SH2D3C: variants seen among roughly 807,000 people sequenced by gnomAD.
SH2D3C encodes the protein SH2 domain containing 3C, also known as SH2 domain-containing protein 3C.
Under a neutral mutation model 75.2 loss-of-function variants are expected in SH2D3C, and 25 were observed. The ratio of observed to expected loss-of-function variants is 0.33; its 90% CI spans 0.24 to 0.46. The LOEUF is 0.46. Ranked by LOEUF, SH2D3C falls within the 20% of genes least tolerant of loss-of-function variation. The probability of loss-of-function intolerance (pLI) is 1.00; values close to 1 mark genes in which losing one functional copy is unlikely to be tolerated. For missense variants in SH2D3C, 933 were observed against 1,165.3 expected (o/e 0.80, Z 2.90); for synonymous variants, 450 against 473.7 (o/e 0.95, Z 0.65).
intron 2 of SH2D3C, chr9:127,771,539 G>T (rs888280684): frequency 2.6e-6 from 1 of 389,812 alleles, no homozygotes. Flanking sequence ...CGCCCGCCCG[G>T]CTCCAACGCT....
chr9:127,740,364 A>G lies in SH2D3C; in HGVS notation c.2094T>C (p.Ser698=), dbSNP rs749556058. Residue 698 remains serine (S), a synonymous_variant, in exon 10 of 12, where the codon TCT becomes TCC. Coordinates refer to ENST00000314830, the MANE Select transcript of SH2D3C (RefSeq NM_170600.3). ...VMGALDMAQI[S]RLEQTWVTLR... is the part of the protein sequence containing the mutation. Reference sequence around the variant, plus strand: ...GGGTCACCCATGTCTGCTCCAGCCGAGAAATCTGGGGAGGCCAAACTGTGA... The same window carrying G: ...GGGTCACCCATGTCTGCTCCAGCCGGGAAATCTGGGGAGGCCAAACTGTGA... 3.7e-6 allele frequency: 6 copies of G among 1,613,842 alleles called. No homozygotes were observed. The highest frequency in any genetic ancestry group is 5.1e-6 in the Non-Finnish European group (6 of 1,179,930).
At chr9:127,748,338 G>A (rs1199786770) in intron 5 of SH2D3C, among the ~76,000 whole-genome samples, 2 of 152,152 alleles carry the variant, frequency 1.3e-5, no homozygotes, top group African/African-American at 4.8e-5. Context: ...GCAGCCCACA[G>A]GGTATCCATT....
rs773727966 is a variant in SH2D3C at position 127,741,901 on chromosome 9, C to T, written c.1975G>A (p.Glu659Lys). ...TTGTGCAGCAGCGCTGCCCGCTCCT[C>T]CGCAGAGCCGGTGCAGCCCAGGATG... ...VDILGCTGSAEERAALLHKTI... is the reference protein window; with the variant it reads ...VDILGCTGSAKERAALLHKTI... The change falls in exon 9 of 12, where the codon GAG becomes AAG. Residue 659 changes from glutamate (E) to lysine (K), a missense_variant. Coordinates refer to ENST00000314830, the MANE Select transcript of SH2D3C (RefSeq NM_170600.3). The T allele has an allele frequency of 3.1e-6, 5 of 1,612,984 alleles. No homozygotes were observed. Among genetic ancestry groups the T allele is most frequent in the African/African-American group, 1.3e-5 (1 of 74,950 alleles).
In SH2D3C at chr9:127,744,994, G is replaced by A. The variant is rs1175866720; in HGVS notation, c.1370C>T (p.Pro457Leu). The stretch of plus-strand genomic sequence containing the variant: ...CTTGTCTGACTCCCCATGGGTCTTT[G>A]GGGCACTTCCGGGACACAGCTGGGG... ...SEPQLCPGSA[P>L]KTHGESDKGP... The change falls in exon 7 of 12, where the codon CCA becomes CTA. Residue 457 changes from proline to leucine, a missense_variant. Coordinates refer to ENST00000314830, the MANE Select transcript of SH2D3C (RefSeq NM_170600.3). The A allele has an allele frequency of 6.6e-7, 1 of 1,526,318 alleles. No individual in the cohort carries two copies. Among genetic ancestry groups the A allele is most frequent in the Admixed American group, 2.1e-5 (1 of 46,894 alleles). 94.5% of individuals were successfully genotyped at this position (1,526,318 alleles called of 1,614,324 possible). A position where few individuals can be genotyped will look rare whatever the true frequency, so the allele number is the denominator to read the frequency against.
At chr9:127,770,820 T>C (rs1845718548) in intron 2 of SH2D3C, among the ~76,000 whole-genome samples, 1 of 152,162 alleles carries the variant, frequency 6.6e-6, no homozygotes, top group Admixed American at 6.5e-5. Context: ...ACCACCTTTC[T>C]CAGCGGCCCT....
chr9:127,755,958 A>G (rs950131428), intron 3 of SH2D3C, among the ~76,000 whole-genome samples: 5 of 152,338 alleles, frequency 3.3e-5, no homozygotes, highest in South Asian at 2.1e-4. Context: ...GGCATGAAGT[A>G]AGCGCTCAAT....
chr9:127,757,636 G>GATT (rs59274690), intron 3 of SH2D3C, among the ~76,000 whole-genome samples: 884 of 88,186 alleles, frequency 0.01, 9 homozygotes, highest in East Asian at 0.048. Context: ...TGATGATGAT[G>GATT]ATGATGATGA....
intron 10 of SH2D3C, 36 bp downstream of exon 10, chr9:127,740,222 C>T: frequency 1.9e-6 from 3 of 1,546,244 alleles, no homozygotes; most frequent in African/African-American, 2.7e-5. Context: ...CCAGGGAGGG[C>T]TGCAGCCTGT....
chr9:127,768,989 ACCAGCCACTCCCCACTTTCG>A (rs1269197482), intron 2 of SH2D3C, among the ~76,000 whole-genome samples: 1 of 152,114 alleles, frequency 6.6e-6, no homozygotes, highest in Admixed American at 6.5e-5. Flanking sequence ...AATTGGCACC[ACCAGCCACTCCCCACTTTCG>A]CCAACCAATT....
intron 3 of SH2D3C, among the ~76,000 whole-genome samples, chr9:127,756,058 G>A (rs1845371054): frequency 6.6e-6 from 1 of 152,178 alleles, no homozygotes. Flanking sequence ...CCCACGCCCT[G>A]GGAGACCGGG....
At position 127,747,211 on chromosome 9, in the gene SH2D3C, G is replaced by T. The variant is rs1483846173; in HGVS notation, c.1200C>A (p.Ile400=). 6.2e-7 allele frequency: 1 copy of T among 1,613,884 alleles called. No individual in the cohort carries two copies. Among genetic ancestry groups the T allele is most frequent in the Non-Finnish European group, 8.5e-7 (1 of 1,180,000 alleles). ...GCGACATGGGTGAGTGCAGGTCTGG[G>T]ATCTGGTCCATGCTGAGGGCACAGC... The part of the protein sequence containing the change: ...IRSCALSMDQ[I]PDLHSPMSPI... The change falls in exon 6 of 12, where the codon ATC becomes ATA. Residue 400 remains isoleucine, a synonymous_variant. Coordinates refer to ENST00000314830, the MANE Select transcript of SH2D3C (RefSeq NM_170600.3).
chr9:127,757,651 T>G (rs543937934), intron 3 of SH2D3C, among the ~76,000 whole-genome samples: 297 of 143,262 alleles, frequency 2.1e-3, no homozygotes, highest in African/African-American at 5.7e-3. Context: ...TGATGATTAT[T>G]ATTATTATTA....
chr9:127,762,501 G>A (rs1197312227), intron 2 of SH2D3C: 1 of 468,756 alleles, frequency 2.1e-6, no homozygotes, highest in Non-Finnish European at 4.3e-6. Flanking sequence ...CTCAGCTGAT[G>A]TCAGTTTCCT....
intron 3 of SH2D3C, among the ~76,000 whole-genome samples, chr9:127,753,216 GT>G (rs1845251413): frequency 6.6e-6 from 1 of 152,154 alleles, no homozygotes. Context: ...GCAGCCTAGG[GT>G]TTTCCAGGCA....
At chr9:127,741,167 T>C (rs1330970822) in intron 9 of SH2D3C, among the ~76,000 whole-genome samples, 1 of 152,184 alleles carries the variant, frequency 6.6e-6, no homozygotes, top group Non-Finnish European at 1.5e-5. Context: ...GAGAAATCAG[T>C]GCTGGTTAAG....
intron 2 of SH2D3C, chr9:127,762,162 A>G: frequency 1.7e-6 from 2 of 1,172,326 alleles, no homozygotes; most frequent in African/African-American, 3.2e-5. Context: ...AGTCACGGCC[A>G]CTGCCCAGCT....
chr9:127,773,898 A>C (rs1845771965), intron 2 of SH2D3C, 92 bp downstream of exon 2: 1 of 743,372 alleles, frequency 1.3e-6, no homozygotes, highest in Admixed American at 2.7e-5. Flanking sequence ...AGCCTGAGAG[A>C]CAGAGCGACA....
intron 6 of SH2D3C, 127 bp downstream of exon 6, chr9:127,747,020 C>A: frequency 1.2e-6 from 1 of 849,468 alleles, no homozygotes; most frequent in Admixed American, 2.4e-5. Flanking sequence ...ATTCCAGTGT[C>A]AGTTCTTTCT....
At chr9:127,764,040 C>T (rs756042994) in intron 2 of SH2D3C, among the ~76,000 whole-genome samples, 10 of 152,168 alleles carry the variant, frequency 6.6e-5, no homozygotes, top group African/African-American at 9.7e-5. Context: ...TATTCAGGCC[C>T]GGAAATCCTC....
Sources: gnomAD v4.1 joint callset for allele counts (sites outside exome capture counted in the v4.1 genomes callset) on GRCh38, gnomAD v4.1.1 for gene constraint, MANE v1.5 for transcripts, NCBI Gene and HGNC (gene_info 2026-07-23, HGNC 2026-07-21) for gene names.